The following FHIT variants were observed in gnomAD, a reference collection of about 807,000 sequenced individuals.
The protein encoded by FHIT is fragile histidine triad diadenosine triphosphatase, also known as bis(5'-adenosyl)-triphosphatase.
Under a neutral mutation model 17.9 loss-of-function variants are expected in FHIT, and 19 were observed. The observed-to-expected ratio is 1.06, with a 90% CI of 0.74 to 1.56. The LOEUF (loss-of-function observed/expected upper bound fraction) is 1.56. FHIT is among the 40% of genes most tolerant of loss of function. The probability of loss-of-function intolerance (pLI) is 0.00; values close to 1 mark genes in which losing one functional copy is unlikely to be tolerated. For missense variants in FHIT, 248 were observed against 189.2 expected, an observed-to-expected ratio of 1.31 and a Z score of -1.82; for synonymous variants, 81 against 69.7, an observed-to-expected ratio of 1.16 and a Z score of -0.81.
At chr3:60,668,850 C>T (rs1442061445) in intron 4 of FHIT, among the ~76,000 whole-genome samples, 1 of 152,132 alleles carries the variant, frequency 6.6e-6, no homozygotes, top group Non-Finnish European at 1.5e-5. Flanking sequence ...CAGGCGTGAG[C>T]AAACCAGCTC....
chr3:60,443,315 T>C (rs201822915), intron 5 of FHIT, among the ~76,000 whole-genome samples: 2 of 152,178 alleles, frequency 1.3e-5, no homozygotes, highest in East Asian at 1.9e-4. Flanking sequence ...CTATGTTGAA[T>C]AGGAGTGGTG....
intron 3 of FHIT, among the ~76,000 whole-genome samples, chr3:61,026,196 AG>A (rs2032722747): frequency 6.6e-6 from 1 of 152,124 alleles, no homozygotes; most frequent in South Asian, 2.1e-4. Context: ...GAAGAGTAAA[AG>A]AGGAGAAATA....
At chr3:61,208,869 C>T (rs1279307767) in intron 1 of FHIT, among the ~76,000 whole-genome samples, 1 of 151,986 alleles carries the variant, frequency 6.6e-6, no homozygotes, top group African/African-American at 2.4e-5. Flanking sequence ...ATGATGTTAG[C>T]TGGTTATTTC....
chr3:59,961,004 T>C (rs1397502929), intron 7 of FHIT, among the ~76,000 whole-genome samples: 2 of 152,226 alleles, frequency 1.3e-5, no homozygotes, highest in Non-Finnish European at 1.5e-5. Flanking sequence ...CGATTCTTGA[T>C]TCATTCATTT....
intron 4 of FHIT, among the ~76,000 whole-genome samples, chr3:60,753,531 T>C (rs1375404744): frequency 6.6e-6 from 1 of 152,206 alleles, no homozygotes; most frequent in Non-Finnish European, 1.5e-5. Flanking sequence ...CATTTGGGAG[T>C]TCTATTACAT....
intron 2 of FHIT, among the ~76,000 whole-genome samples, chr3:61,055,036 T>A (rs2034169162): frequency 6.6e-6 from 1 of 152,210 alleles, no homozygotes; most frequent in Admixed American, 6.5e-5. Flanking sequence ...TGCATTTGCA[T>A]ACCTCTGCAT....
chr3:60,302,060 T>G (rs1708478249), intron 5 of FHIT, among the ~76,000 whole-genome samples: 1 of 152,174 alleles, frequency 6.6e-6, no homozygotes, highest in Non-Finnish European at 1.5e-5. Flanking sequence ...TGCCTCTACT[T>G]TAATTGCTTT....
chr3:60,504,306 C>T (rs185501228), intron 5 of FHIT, among the ~76,000 whole-genome samples: 17 of 152,082 alleles, frequency 1.1e-4, no homozygotes, highest in Middle Eastern at 3.4e-3. Flanking sequence ...TGGTGGCACG[C>T]GCCTGTAATC....
chr3:59,782,266 T>C (rs1018447081), intron 8 of FHIT, among the ~76,000 whole-genome samples: 2 of 151,902 alleles, frequency 1.3e-5, no homozygotes, highest in Non-Finnish European at 2.9e-5. Flanking sequence ...CAATTTTGTC[T>C]AATCAGAGTT....
intron 1 of FHIT, among the ~76,000 whole-genome samples, chr3:61,247,887 A>G (rs1328578582): frequency 6.6e-6 from 1 of 152,182 alleles, no homozygotes; most frequent in Non-Finnish European, 1.5e-5. Flanking sequence ...AGAAATGCTT[A>G]TTATCCCTAT....
intron 3 of FHIT, among the ~76,000 whole-genome samples, chr3:60,942,057 C>T (rs1260653843): frequency 6.6e-6 from 1 of 152,060 alleles, no homozygotes; most frequent in Non-Finnish European, 1.5e-5. Flanking sequence ...ACAATTGGCT[C>T]GCTGCAACCT....
At chr3:61,151,570 C>CTTTTTT (rs11379500) in intron 2 of FHIT, among the ~76,000 whole-genome samples, 1 of 124,344 alleles carries the variant, frequency 8.0e-6, no homozygotes, top group East Asian at 2.6e-4. Context: ...ATATTCTTTT[C>CTTTTTT]TTTTCTTTTT....
At chr3:60,361,982 T>A (rs1243340196) in intron 5 of FHIT, among the ~76,000 whole-genome samples, 1 of 152,170 alleles carries the variant, frequency 6.6e-6, no homozygotes, top group African/African-American at 2.4e-5. Context: ...ACTCAAGATG[T>A]GCAGCATCAC....
chr3:59,863,181 T>C lies in FHIT; in HGVS notation c.348+59165A>G, dbSNP rs575471391. ...AATGCTTGTCTCCATGCCAATGCAG[T>C]TACCCACTCCCTCTCAGCCCCAGCC... is the stretch of plus-strand genomic sequence containing the variant. On this transcript the variant is annotated intron_variant, in intron 8 of 9. Coordinates refer to ENST00000492590, the MANE Select transcript of FHIT (RefSeq NM_002012.4). 3.9e-5 allele frequency among the ~76,000 whole-genome samples: 6 copies of C among 152,322 alleles called. No individual in the cohort carries two copies. In the East Asian group the frequency reaches 1.2e-3, roughly 29 times the overall value.
intron 4 of FHIT, among the ~76,000 whole-genome samples, chr3:60,653,873 C>T (rs2040054513): frequency 6.6e-6 from 1 of 152,190 alleles, no homozygotes; most frequent in Non-Finnish European, 1.5e-5. Flanking sequence ...CCTGATATGG[C>T]TTGGATATTT....
chr3:60,333,839 G>C (rs1161597017), intron 5 of FHIT, among the ~76,000 whole-genome samples: 1 of 152,148 alleles, frequency 6.6e-6, no homozygotes, highest in Non-Finnish European at 1.5e-5. Flanking sequence ...AAACTCACCA[G>C]ATTACTGTAT....
At chr3:60,515,146 CTAGA>C (rs2035103490) in intron 5 of FHIT, among the ~76,000 whole-genome samples, 1 of 152,052 alleles carries the variant, frequency 6.6e-6, no homozygotes, top group African/African-American at 2.4e-5. Context: ...GGGAGAGCTG[CTAGA>C]TAAACAAGCC....
chr3:60,637,883 C>G (rs1164450708), intron 4 of FHIT, among the ~76,000 whole-genome samples: 4 of 152,044 alleles, frequency 2.6e-5, no homozygotes, highest in Non-Finnish European at 5.9e-5. Flanking sequence ...ATGACTGATT[C>G]CAGATCTGCT....
Position 60,833,945 on chromosome 3 carries a change from C to T in FHIT, c.-110-11934G>A, listed in dbSNP as rs1702425998. Among the ~76,000 whole-genome samples, 3 of 152,150 alleles carry T rather than the reference C, an allele frequency of 2.0e-5. No homozygotes were observed. The South Asian group carries it at 6.2e-4, about 32-fold the overall frequency. On this transcript the variant is annotated intron_variant, in intron 3 of 9. Transcript: ENST00000492590. ...CCCTTTAATCTATTCCCTGAAGATTCAGTCAAGTAGTTTCATGTATTAATA... is the reference window on the plus strand; with the variant it reads ...CCCTTTAATCTATTCCCTGAAGATTTAGTCAAGTAGTTTCATGTATTAATA...
Sources: allele counts gnomAD v4.1 joint callset (sites outside exome capture counted in the v4.1 genomes callset), GRCh38; gene constraint gnomAD v4.1.1; transcripts MANE v1.5; gene names NCBI Gene and HGNC (gene_info 2026-07-23, HGNC 2026-07-21).